B4GALNT3: variants seen among roughly 807,000 people sequenced by gnomAD.
B4GALNT3 encodes beta-1,4-N-acetylgalactosaminyltransferase 3.
In B4GALNT3, 86 loss-of-function variants were observed where a neutral mutation model predicts 120.2. That is an observed-to-expected ratio of 0.72 (90% CI 0.60 to 0.86). B4GALNT3 has a LOEUF of 0.86. B4GALNT3 is among the 40% of genes least tolerant of loss of function. The pLI, the probability that B4GALNT3 is intolerant of heterozygous loss-of-function variation, is 0.00. For synonymous variants in B4GALNT3, 518 were observed against 510.4 expected (o/e 1.01, Z -0.20); for missense variants, 1,167 against 1,298.9 (o/e 0.90, Z 1.56).
intron 1 of B4GALNT3, among the ~76,000 whole-genome samples, chr12:495,882 A>G (rs1447171465): frequency 2.0e-5 from 3 of 152,188 alleles, no homozygotes; most frequent in African/African-American, 4.8e-5. Context: ...CAAGAAGATC[A>G]ATGTTCATGA....
chr12:496,626 A>G (rs1158557430), intron 1 of B4GALNT3, among the ~76,000 whole-genome samples: 2 of 152,098 alleles, frequency 1.3e-5, no homozygotes, highest in Non-Finnish European at 2.9e-5. Flanking sequence ...AAAGTGTACA[A>G]TTCAGCGGCA....
At chr12:544,823 G>C in intron 4 of B4GALNT3, 59 bp from the exon 5 acceptor site, 1 of 1,554,410 alleles carries the variant, frequency 6.4e-7, no homozygotes. Context: ...GCCAATCCTG[G>C]CGGGAAGTTT....
intron 1 of B4GALNT3, among the ~76,000 whole-genome samples, chr12:489,163 G>T (rs1946317777): frequency 6.7e-6 from 1 of 149,396 alleles, no homozygotes; most frequent in Non-Finnish European, 1.5e-5. Context: ...GGGCCTGTCA[G>T]GGGTTGGGGT....
At chr12:517,962 A>G (rs145686895) in intron 1 of B4GALNT3, among the ~76,000 whole-genome samples, 35 of 152,334 alleles carry the variant, frequency 2.3e-4, no homozygotes, top group Non-Finnish European at 5.0e-4. Context: ...ATTAGTTTGA[A>G]TCCCAGTTTA....
At chr12:541,851 A>ACCCCCCCCCCCC (rs1362289154) in intron 3 of B4GALNT3, among the ~76,000 whole-genome samples, 1 of 56,808 alleles carries the variant, frequency 1.8e-5, no homozygotes, top group Non-Finnish European at 3.5e-5. Flanking sequence ...ACCCCCCCCC[A>ACCCCCCCCCCCC]CCCCCCCCCA....
In B4GALNT3 at chr12:556,791, G is replaced by T. The variant is rs1947161020; in HGVS notation, c.2305G>T (p.Ala769Ser). 6.8e-6 allele frequency: 11 copies of T among 1,613,722 alleles called. No individual in the cohort carries two copies. The highest frequency in any genetic ancestry group is 9.3e-6 in the Non-Finnish European group (11 of 1,180,042). Residue 769 changes from alanine (A) to serine (S), a missense_variant, in exon 15 of 20, where the codon GCC (alanine) becomes TCC (serine). By Grantham distance (99) the Ala-to-Ser change is moderately conservative (BLOSUM62 1). Transcript: ENST00000266383. ...TAGGAGACAGGTCCTGAATACCCGGGCCCAAGAGCCCAAGCTGTGCTGGCC... is the reference window on the plus strand; with the variant it reads ...TAGGAGACAGGTCCTGAATACCCGGTCCCAAGAGCCCAAGCTGTGCTGGCC... ...NRRRQVLNTR[A>S]QEPKLCWPQG... is the part of the protein sequence containing the mutation.
In B4GALNT3 at chr12:544,453, C is replaced by A; in HGVS notation, c.447+19C>A. 6.2e-7 allele frequency: 1 copy of A among 1,604,274 alleles called. No homozygotes were observed. The highest frequency in any genetic ancestry group is 8.5e-7 in the Non-Finnish European group (1 of 1,171,522). Reference sequence around the variant, plus strand: ...CCCCCATGTGAGTGCCTGAGGGCTGCCTTGCCCACCTCCCTCCACACCTGC... The same window carrying A: ...CCCCCATGTGAGTGCCTGAGGGCTGACTTGCCCACCTCCCTCCACACCTGC... On this transcript the variant is annotated intron_variant, in intron 4 of 19. Coordinates refer to ENST00000266383, the MANE Select transcript of B4GALNT3 (RefSeq NM_173593.4).
At chr12:497,072 C>T (rs557047532) in intron 1 of B4GALNT3, among the ~76,000 whole-genome samples, 11 of 152,302 alleles carry the variant, frequency 7.2e-5, no homozygotes, top group African/African-American at 1.2e-4. Flanking sequence ...TGGCCTCAAG[C>T]GATCCTTCCA....
chr12:543,598 T>C (rs76528531), intron 3 of B4GALNT3, among the ~76,000 whole-genome samples: 92 of 54,040 alleles, frequency 1.7e-3, no homozygotes, highest in African/African-American at 3.6e-3. Flanking sequence ...CTCATCCTCC[T>C]GGAGCTGAGG....
rs1947236929 is a variant in B4GALNT3 at position 561,977 on chromosome 12, G to A, written c.*526G>A. 6.6e-6 allele frequency: 1 copy of A among 152,510 alleles called. No individual in the cohort carries two copies. Among genetic ancestry groups the A allele is most frequent in the Non-Finnish European group, 1.5e-5 (1 of 68,142 alleles). 9.4% of individuals were successfully genotyped at this position (152,510 alleles called of 1,614,324 possible). A position where few individuals can be genotyped will look rare whatever the true frequency, so the allele number is the denominator to read the frequency against. On this transcript the variant is annotated 3_prime_UTR_variant, in exon 20 of 20. Coordinates refer to ENST00000266383, the MANE Select transcript of B4GALNT3 (RefSeq NM_173593.4). ...CCCACTCCTATGTCCCTTGGGCGTT[G>A]TCCCTGGCCGCGGGACTGGTCCCAC...
rs143132654 is a variant in B4GALNT3, at chr12:508,913, T to C, written c.170-26253T>C. On this transcript the variant is annotated intron_variant, in intron 1 of 19. Coordinates refer to ENST00000266383, the MANE Select transcript of B4GALNT3 (RefSeq NM_173593.4). ...AGGGAACCAGGGTCTTTTCCTCTCA[T>C]GCACCTTGTGAGGTTGGCAGGACAG... Among the ~76,000 whole-genome samples, 503 of 152,366 alleles carry C rather than the reference T, an allele frequency of 3.3e-3. 3 individuals are homozygous for C. Among genetic ancestry groups the C allele is most frequent in the African/African-American group, 0.011 (478 of 41,584 alleles).
At chr12:536,414 G>C in intron 3 of B4GALNT3, 119 bp downstream of exon 3, 2 of 703,442 alleles carry the variant, frequency 2.8e-6, no homozygotes, top group South Asian at 4.1e-5. Flanking sequence ...TACTCTTTGA[G>C]AGAGCTAAAA....
intron 1 of B4GALNT3, among the ~76,000 whole-genome samples, chr12:488,496 A>G (rs1197501500): frequency 6.6e-6 from 1 of 152,222 alleles, no homozygotes; most frequent in Admixed American, 6.5e-5. Context: ...TATAAGTGAA[A>G]TGAATTGCAG....
intron 1 of B4GALNT3, among the ~76,000 whole-genome samples, chr12:512,672 ACCTTCCACCTTCGATCTT>A (rs1460647060): frequency 0.037 from 2,778 of 75,790 alleles, 117 homozygotes; most frequent in African/African-American, 0.093. Flanking sequence ...TCCACCTTCC[ACCTTCCACCTTCGATCTT>A]CCTTCCACCT....
rs189470226 is a variant in B4GALNT3, at chr12:534,283, G to A, written c.170-883G>A. Among the ~76,000 whole-genome samples the A allele has an allele frequency of 1.8e-3, 280 of 152,256 alleles. 3 individuals are homozygous for A. The highest frequency in any genetic ancestry group is 6.6e-3 in the African/African-American group (276 of 41,538). On this transcript the variant is annotated intron_variant, in intron 1 of 19. Coordinates refer to ENST00000266383, the MANE Select transcript of B4GALNT3 (RefSeq NM_173593.4). The stretch of plus-strand genomic sequence containing the variant: ...CCTCTTTCGCTTCCAGTGGTCTACG[G>A]TTCTGGTTTGTGACTAACAGTGGTT...
intron 1 of B4GALNT3, among the ~76,000 whole-genome samples, chr12:524,283 G>A (rs1441499807): frequency 1.4e-4 from 22 of 152,232 alleles, no homozygotes; most frequent in Admixed American, 1.4e-3. Flanking sequence ...ACCAAGGACA[G>A]GTTACAACAA....
chr12:521,963 G>C (rs1946714500), intron 1 of B4GALNT3, among the ~76,000 whole-genome samples: 1 of 111,354 alleles, frequency 9.0e-6, no homozygotes, highest in Admixed American at 8.6e-5. Flanking sequence ...GGCCCGCTCA[G>C]AAGTTCTTTT....
chr12:558,801 C>T (rs891036234), intron 18 of B4GALNT3, 140 bp downstream of exon 18: 214 of 920,036 alleles, frequency 2.3e-4, no homozygotes, highest in Non-Finnish European at 4.5e-5. Context: ...CCTTCACTCC[C>T]CGGAAAACTC....
chr12:556,186 T>A (rs187513969), intron 14 of B4GALNT3, among the ~76,000 whole-genome samples: 1 of 152,312 alleles, frequency 6.6e-6, no homozygotes, highest in East Asian at 1.9e-4. Context: ...GCCAACCAAT[T>A]GACATCTGTC....
Sources: allele counts gnomAD v4.1 joint callset (sites outside exome capture counted in the v4.1 genomes callset), GRCh38; gene constraint gnomAD v4.1.1; transcripts MANE v1.5; gene names NCBI Gene and HGNC (gene_info 2026-07-23, HGNC 2026-07-21).